Variants in CAMK1D observed in about 807,000 individuals in gnomAD.
CAMK1D encodes calcium/calmodulin dependent protein kinase ID, also known as calcium/calmodulin-dependent protein kinase type 1D.
In CAMK1D, 9 loss-of-function variants were observed where a neutral mutation model predicts 47.7. That is an observed-to-expected ratio of 0.19 (90% confidence interval 0.11 to 0.33). The LOEUF is 0.33. Among genes scored for constraint, CAMK1D ranks in the 10% least tolerant of loss-of-function variants. The probability of loss-of-function intolerance (pLI) is 1.00; values close to 1 mark genes in which losing one functional copy is unlikely to be tolerated. For synonymous variants in CAMK1D, 184 were observed against 184.9 expected, an observed-to-expected ratio of 0.99 and a Z score of 0.04; for missense variants, 291 against 488.7, an observed-to-expected ratio of 0.60 and a Z score of 3.81.
At chr10:12,781,240 T>C (rs1317807272) in intron 5 of CAMK1D, among the ~76,000 whole-genome samples, 3 of 152,264 alleles carry the variant, frequency 2.0e-5, no homozygotes, top group Non-Finnish European at 4.4e-5. Flanking sequence ...TACGGCAGTC[T>C]TCTTAATCAG....
chr10:12,778,211 C>T (rs541274507), intron 5 of CAMK1D, among the ~76,000 whole-genome samples: 24 of 152,144 alleles, frequency 1.6e-4, no homozygotes, highest in Non-Finnish European at 1.5e-4. Context: ...TTAATTCTGC[C>T]GACATGAAGC....
intron 3 of CAMK1D, among the ~76,000 whole-genome samples, chr10:12,740,762 GTTTTT>G (rs1835392658): frequency 6.6e-6 from 1 of 152,228 alleles, no homozygotes; most frequent in East Asian, 1.9e-4. Flanking sequence ...TCTCTGTTTT[GTTTTT>G]GTTTTTTTTG....
At chr10:12,479,147 T>A (rs1347639231) in intron 1 of CAMK1D, among the ~76,000 whole-genome samples, 1 of 152,208 alleles carries the variant, frequency 6.6e-6, no homozygotes, top group Non-Finnish European at 1.5e-5. Context: ...CCCACGGCGC[T>A]GCTGAGCCAG....
intron 1 of CAMK1D, among the ~76,000 whole-genome samples, chr10:12,512,147 C>T (rs1588572361): frequency 6.6e-6 from 1 of 152,190 alleles, no homozygotes; most frequent in Non-Finnish European, 1.5e-5. Context: ...ATAAAAAGCC[C>T]AGTGCCTGGT....
At chr10:12,619,296 A>AT (rs1228128999) in intron 2 of CAMK1D, among the ~76,000 whole-genome samples, 1,659 of 146,668 alleles carry the variant, frequency 0.011, 28 homozygotes, top group Middle Eastern at 0.039. Flanking sequence ...ATAGAGCTGG[A>AT]TTTTTTTTTT....
intron 1 of CAMK1D, among the ~76,000 whole-genome samples, chr10:12,453,060 A>G (rs1431613846): frequency 2.0e-5 from 3 of 151,990 alleles, no homozygotes; most frequent in Admixed American, 1.3e-4. Context: ...CCCTCTATGT[A>G]TTGGACTACT....
chr10:12,477,410 G>T (rs910125459), intron 1 of CAMK1D, among the ~76,000 whole-genome samples: 1 of 152,118 alleles, frequency 6.6e-6, no homozygotes, highest in African/African-American at 2.4e-5. Context: ...GCAAGACTCT[G>T]GCTCAAAAAA....
At position 12,718,109 on chromosome 10, in the gene CAMK1D, T is replaced by TA. The variant is rs1161833649; in HGVS notation, c.300-42838dup. ...CTTCTACCATTCTTTTCTGACCCCT[T>TA]ACAAAGTAAGGGCAGGATCCAAAGC... On this transcript the variant is annotated intron_variant, in intron 3 of 10. Transcript: ENST00000619168. Among the ~76,000 whole-genome samples, 3 of 152,202 alleles carry TA rather than the reference T, an allele frequency of 2.0e-5. No individual in the cohort carries two copies. In the East Asian group the frequency reaches 5.8e-4, roughly 29 times the overall value.
intron 2 of CAMK1D, among the ~76,000 whole-genome samples, chr10:12,570,361 T>C (rs978781425): frequency 1.1e-4 from 16 of 151,954 alleles, no homozygotes; most frequent in Non-Finnish European, 1.6e-4. Context: ...AATTTTTTTT[T>C]CCTCCTCTTC....
chr10:12,768,626 G>A lies in CAMK1D; in HGVS notation c.439-1047G>A, dbSNP rs144431269. 3.1e-3 allele frequency among the ~76,000 whole-genome samples: 466 copies of A among 151,816 alleles called. 2 individuals are homozygous for A. Among genetic ancestry groups the A allele is most frequent in the African/African-American group, 0.01 (416 of 41,378 alleles). On this transcript the variant is annotated intron_variant, in intron 4 of 10. Coordinates refer to ENST00000619168, the MANE Select transcript of CAMK1D (RefSeq NM_153498.4). ...TTCCTGGACAACAGCAGAGATGACA[G>A]TCCTTGACATCGTCTCCCCCCGTGA...
chr10:12,426,914 C>T (rs1840253796), intron 1 of CAMK1D, among the ~76,000 whole-genome samples: 1 of 152,144 alleles, frequency 6.6e-6, no homozygotes, highest in Non-Finnish European at 1.5e-5. Context: ...AGGCTGTCAC[C>T]ATGTTGGCCA....
At position 12,529,988 on chromosome 10, in the gene CAMK1D, A is replaced by G. The variant is rs530318618; in HGVS notation, c.93-23237A>G. On this transcript the variant is annotated intron_variant, in intron 1 of 10. Coordinates refer to ENST00000619168, the MANE Select transcript of CAMK1D (RefSeq NM_153498.4). ...GAAACAAATGTGAATTTTCTCTTAT[A>G]AACTAATGAAAAAGACATTTAGCCA... is the stretch of plus-strand genomic sequence containing the variant. Among the ~76,000 whole-genome samples the G allele has an allele frequency of 2.6e-5, 4 of 152,362 alleles. No homozygotes were observed. The East Asian group carries it at 7.7e-4, about 29-fold the overall frequency.
chr10:12,556,906 A>G (rs1836779465), intron 2 of CAMK1D, among the ~76,000 whole-genome samples: 1 of 152,206 alleles, frequency 6.6e-6, no homozygotes, highest in Non-Finnish European at 1.5e-5. Context: ...AAGAAGCAGC[A>G]CATTAACACA....
Position 12,624,642 on chromosome 10 carries a change from G to A in CAMK1D, c.225-42094G>A, listed in dbSNP as rs897703245. Among the ~76,000 whole-genome samples, 7 of 152,016 alleles carry A rather than the reference G, an allele frequency of 4.6e-5. 1 individual carries two copies. Among genetic ancestry groups the A allele is most frequent in the South Asian group, 2.1e-4 (1 of 4,816 alleles). ...CATTTTCTTTCATTCATCTGCCCTC[G>A]GACATTTAGCTGTTACACCTCTTGG... is the stretch of plus-strand genomic sequence containing the variant. On this transcript the variant is annotated intron_variant, in intron 2 of 10. Coordinates refer to ENST00000619168, the MANE Select transcript of CAMK1D (RefSeq NM_153498.4).
At chr10:12,403,113 G>A (rs557846018) in intron 1 of CAMK1D, among the ~76,000 whole-genome samples, 2 of 152,250 alleles carry the variant, frequency 1.3e-5, no homozygotes, top group African/African-American at 4.8e-5. Flanking sequence ...AAAGGAACAA[G>A]CAGCAAATGT....
intron 2 of CAMK1D, among the ~76,000 whole-genome samples, chr10:12,648,557 G>C (rs1158971713): frequency 1.3e-5 from 2 of 152,006 alleles, no homozygotes; most frequent in African/African-American, 4.8e-5. Context: ...TGCAACCTCC[G>C]CCCCCCAGAT....
intron 1 of CAMK1D, among the ~76,000 whole-genome samples, chr10:12,525,558 A>C (rs1478475938): frequency 1.3e-5 from 2 of 152,134 alleles, no homozygotes; most frequent in Non-Finnish European, 2.9e-5. Flanking sequence ...TCAAGTCTAA[A>C]ATTCACATTT....
At chr10:12,686,246 T>C (rs1330129437) in intron 3 of CAMK1D, among the ~76,000 whole-genome samples, 1 of 152,208 alleles carries the variant, frequency 6.6e-6, no homozygotes, top group South Asian at 2.1e-4. Context: ...CGTGTTGATA[T>C]GGAACGATTG....
At chr10:12,722,336 C>T (rs557958987) in intron 3 of CAMK1D, among the ~76,000 whole-genome samples, 136 of 150,608 alleles carry the variant, frequency 9.0e-4, no homozygotes, top group Non-Finnish European at 1.4e-3. Flanking sequence ...GTCCCAGCTA[C>T]TAGGGAGGCT....
Sources: allele counts gnomAD v4.1 joint callset (sites outside exome capture counted in the v4.1 genomes callset), GRCh38; gene constraint gnomAD v4.1.1; transcripts MANE v1.5; gene names NCBI Gene and HGNC (gene_info 2026-07-23, HGNC 2026-07-21).